The following ZNF727 variants were observed in gnomAD, a reference collection of about 807,000 sequenced individuals.
ZNF727 encodes the protein putative zinc finger protein 727.
Under a neutral mutation model 11.5 loss-of-function variants are expected in ZNF727, and 11 were observed. The ratio of observed to expected loss-of-function variants is 0.95; its 90% CI spans 0.60 to 1.58. The LOEUF (loss-of-function observed/expected upper bound fraction) is 1.58, where lower values mean the gene tolerates loss of function less well. Among genes scored for constraint, ZNF727 ranks in the 40% most tolerant of loss-of-function variants. The pLI, the probability that ZNF727 is intolerant of heterozygous loss-of-function variation, is 0.00. For missense variants in ZNF727, 533 were observed against 581.7 expected (o/e 0.92, Z 0.86); for synonymous variants, 171 against 196.1 (o/e 0.87, Z 1.07).
rs1047336373 is a variant in ZNF727, at chr7:64,081,534, CAT to C, written c.*2986_*2987del. 2.0e-5 allele frequency among the ~76,000 whole-genome samples: 3 copies of C among 152,076 alleles called. No homozygotes were observed. Among genetic ancestry groups the C allele is most frequent in the African/African-American group, 7.2e-5 (3 of 41,410 alleles). On this transcript the variant is annotated 3_prime_UTR_variant, in exon 4 of 4. Coordinates refer to ENST00000456806, the MANE Select transcript of ZNF727 (RefSeq NM_001159522.3). ...GGGAAGCTGGAGTATAGGGAAGAAA[CAT>C]GTGAGCTGGTGCAGTCACAGGGGCT...
Position 64,081,295 on chromosome 7 carries a change from T to C in ZNF727, c.*2746T>C, listed in dbSNP as rs1309460076. Among the ~76,000 whole-genome samples the C allele has an allele frequency of 6.6e-6, 1 of 151,704 alleles. No individual in the cohort carries two copies. On this transcript the variant is annotated 3_prime_UTR_variant, in exon 4 of 4. Transcript: ENST00000456806. Reference sequence around the variant, plus strand: ...CCCAAGAAGGAATGATTGTTCAGAGTGTGGGAGGATACCCTGTTCTCCGCA... The same window carrying C: ...CCCAAGAAGGAATGATTGTTCAGAGCGTGGGAGGATACCCTGTTCTCCGCA...
chr7:64,077,129 T>G, intron 3 of ZNF727, 147 bp from the exon 4 acceptor site: 1 of 820,150 alleles, frequency 1.2e-6, no homozygotes, highest in Non-Finnish European at 1.8e-6. Flanking sequence ...ATATTTCTGT[T>G]AAGCTTATAT....
At chr7:64,068,235 G>A (rs1789902147) in intron 1 of ZNF727, among the ~76,000 whole-genome samples, 1 of 151,954 alleles carries the variant, frequency 6.6e-6, no homozygotes, top group Non-Finnish European at 1.5e-5. Context: ...GTTTTATCAA[G>A]TGATGTGCAA....
intron 1 of ZNF727, among the ~76,000 whole-genome samples, chr7:64,065,234 T>G (rs1789844111): frequency 6.6e-6 from 1 of 152,128 alleles, no homozygotes; most frequent in Non-Finnish European, 1.5e-5. Context: ...GTGAGTTTAG[T>G]TTTAGTCCCA....
intron 1 of ZNF727, among the ~76,000 whole-genome samples, chr7:64,059,035 C>G (rs532830863): frequency 6.6e-6 from 1 of 151,708 alleles, no homozygotes; most frequent in Admixed American, 6.6e-5. Context: ...ACCTCCGCCT[C>G]CCGGGTTCAA....
At chr7:64,056,362 G>C (rs1458420827) in intron 1 of ZNF727, among the ~76,000 whole-genome samples, 5 of 152,162 alleles carry the variant, frequency 3.3e-5, no homozygotes, top group South Asian at 4.1e-4. Flanking sequence ...GTGTGAGCAG[G>C]AGTGAAGATA....
chr7:64,071,517 T>C (rs1485081952), intron 3 of ZNF727, among the ~76,000 whole-genome samples: 2 of 152,034 alleles, frequency 1.3e-5, no homozygotes, highest in Admixed American at 1.3e-4. Context: ...ATGTTTCTTA[T>C]GTGTTTTTGA....
rs769033702 is a variant in ZNF727, at chr7:64,069,621, T to G, written c.226+12T>G. ...AGCCAAACACCCAGGTAGGTGGGAG[T>G]GAGTGAAGCAAATGACATAAATGAC... On this transcript the variant is annotated intron_variant, in intron 3 of 3. Coordinates refer to ENST00000456806, the MANE Select transcript of ZNF727 (RefSeq NM_001159522.3). The G allele has an allele frequency of 6.5e-7, 1 of 1,542,910 alleles. No homozygotes were observed. Among genetic ancestry groups the G allele is most frequent in the Non-Finnish European group, 8.8e-7 (1 of 1,137,224 alleles).
intron 1 of ZNF727, among the ~76,000 whole-genome samples, chr7:64,064,938 C>T: frequency 6.6e-6 from 1 of 152,134 alleles, no homozygotes; most frequent in East Asian, 1.9e-4. Flanking sequence ...AGGAGGGCTG[C>T]TATTGGCAAT....
At position 64,078,699 on chromosome 7, in the gene ZNF727, C is replaced by A; in HGVS notation, c.*150C>A. On this transcript the variant is annotated 3_prime_UTR_variant, in exon 4 of 4. Coordinates refer to ENST00000456806, the MANE Select transcript of ZNF727 (RefSeq NM_001159522.3). ...CAAAGCCTTTATCCGCTCCTCAACC[C>A]TTACAAGCCACAAGAGAATTCATAT... is the stretch of plus-strand genomic sequence containing the variant. The A allele has an allele frequency of 2.4e-6, 3 of 1,234,422 alleles. No homozygotes were observed. The highest frequency in any genetic ancestry group is 3.5e-6 in the Non-Finnish European group (3 of 847,462). The allele number at this position is 1,234,422 out of a possible 1,614,324, so 76.5% of individuals were successfully genotyped here. A position where few individuals can be genotyped will look rare whatever the true frequency, so the allele number is the denominator to read the frequency against.
intron 3 of ZNF727, among the ~76,000 whole-genome samples, chr7:64,072,596 C>T (rs1455546551): frequency 1.3e-5 from 2 of 152,074 alleles, no homozygotes; most frequent in African/African-American, 2.4e-5. Context: ...GTCTGCAGAC[C>T]TACTGCTGTA....
At chr7:64,045,755 G>C in intron 1 of ZNF727, 131 bp downstream of exon 1, 1 of 1,180,860 alleles carries the variant, frequency 8.5e-7, no homozygotes, top group Non-Finnish European at 1.2e-6. Flanking sequence ...GCACAGTTCA[G>C]TCCTCACTTC....
intron 1 of ZNF727, among the ~76,000 whole-genome samples, chr7:64,048,184 A>C (rs766256249): frequency 2.6e-5 from 4 of 152,228 alleles, no homozygotes; most frequent in African/African-American, 4.8e-5. Flanking sequence ...TAGAGCTTGA[A>C]AGATTAAAAA....
At chr7:64,076,155 T>C (rs1252345097) in intron 3 of ZNF727, among the ~76,000 whole-genome samples, 2 of 152,224 alleles carry the variant, frequency 1.3e-5, no homozygotes, top group Non-Finnish European at 2.9e-5. Flanking sequence ...ATTAAAACAA[T>C]ATTCGGACAG....
intron 1 of ZNF727, among the ~76,000 whole-genome samples, chr7:64,061,283 A>G (rs1562792904): frequency 6.6e-6 from 1 of 152,130 alleles, no homozygotes; most frequent in Non-Finnish European, 1.5e-5. Flanking sequence ...TGAAGTCTCT[A>G]GCTATTATTG....
intron 1 of ZNF727, among the ~76,000 whole-genome samples, chr7:64,051,005 A>G (rs1401852145): frequency 1.3e-5 from 2 of 152,210 alleles, no homozygotes; most frequent in Non-Finnish European, 2.9e-5. Flanking sequence ...TAGAGTGATC[A>G]CTATTTAAAG....
At chr7:64,058,482 T>C (rs1789720045) in intron 1 of ZNF727, among the ~76,000 whole-genome samples, 1 of 152,126 alleles carries the variant, frequency 6.6e-6, no homozygotes, top group African/African-American at 2.4e-5. Flanking sequence ...CTAGAGGACT[T>C]TAGACTTATC....
chr7:64,071,653 C>T (rs960421680), intron 3 of ZNF727, among the ~76,000 whole-genome samples: 1 of 151,840 alleles, frequency 6.6e-6, no homozygotes, highest in African/African-American at 2.4e-5. Context: ...TGTTGTATCC[C>T]AAAATTCATT....
rs1200973115 is a variant in ZNF727 at position 64,081,290 on chromosome 7, CAG to C, written c.*2744_*2745del. ...TGCCCCCCAAGAAGGAATGATTGTT[CAG>C]AGTGTGGGAGGATACCCTGTTCTCC... On this transcript the variant is annotated 3_prime_UTR_variant, in exon 4 of 4. Transcript: ENST00000456806. Among the ~76,000 whole-genome samples, 1 of 152,068 alleles carries C rather than the reference CAG, an allele frequency of 6.6e-6. No individual in the cohort carries two copies. The highest frequency in any genetic ancestry group is 6.6e-5 in the Admixed American group (1 of 15,256).
Sources: allele counts gnomAD v4.1 joint callset (sites outside exome capture counted in the v4.1 genomes callset), GRCh38; gene constraint gnomAD v4.1.1; transcripts MANE v1.5; gene names NCBI Gene and HGNC (gene_info 2026-07-23, HGNC 2026-07-21).